NAF1: variants seen among roughly 807,000 people sequenced by gnomAD.
The protein encoded by NAF1 is H/ACA ribonucleoprotein complex non-core subunit NAF1.
NAF1 carries 11 observed loss-of-function variants against 40.6 expected under a neutral mutation model. The observed-to-expected ratio is 0.27, with a 90% confidence interval of 0.17 to 0.45. NAF1 has a LOEUF of 0.45. NAF1 is among the 20% of genes least tolerant of loss of function. The pLI is 1.00. For synonymous variants in NAF1, 260 were observed against 228.5 expected, an observed-to-expected ratio of 1.14 and a Z score of -1.24; for missense variants, 607 against 611.1, an observed-to-expected ratio of 0.99 and a Z score of 0.07.
intron 2 of NAF1, among the ~76,000 whole-genome samples, chr4:163,118,465 A>G (rs1730417279): frequency 1.3e-5 from 2 of 152,206 alleles, no homozygotes. Flanking sequence ...AATAAAACCT[A>G]TTTTTGGCCA....
chr4:163,130,669 CA>C, intron 7 of NAF1, among the ~76,000 whole-genome samples: 1 of 152,294 alleles, frequency 6.6e-6, no homozygotes, highest in South Asian at 2.1e-4. Context: ...AACGAAGGAG[CA>C]AAAGCAATAC....
In NAF1 at chr4:163,133,185, C is replaced by G. The variant is rs1215696197; in HGVS notation, c.1002G>C (p.Arg334=). Residue 334 remains arginine, a synonymous_variant, in exon 7 of 8, where the codon CGG becomes CGC. Coordinates refer to ENST00000274054, the MANE Select transcript of NAF1 (RefSeq NM_138386.3). ...KQRKKSQIQG[R]KKLKSEFNEP... ...CATTAAATTCAGATTTGAGTTTTTT[C>G]CGGCCTTGAATCTGAGATTTTTTCC... 5.0e-6 allele frequency: 8 copies of G among 1,613,768 alleles called. No homozygotes were observed. Among genetic ancestry groups the G allele is most frequent in the Non-Finnish European group, 6.8e-6 (8 of 1,179,856 alleles).
chr4:163,161,040 AT>A (rs1399735743), intron 2 of NAF1, among the ~76,000 whole-genome samples: 8 of 151,372 alleles, frequency 5.3e-5, no homozygotes, highest in South Asian at 2.1e-4. Context: ...AAAAAAAAAA[AT>A]CTAAGCTAAA....
chr4:163,146,970 T>G (rs905221247), intron 3 of NAF1, among the ~76,000 whole-genome samples: 1 of 152,194 alleles, frequency 6.6e-6, no homozygotes, highest in African/African-American at 2.4e-5. Flanking sequence ...AGGATCAACA[T>G]TATGACCTAA....
At chr4:163,150,562 A>T (rs147975613) in intron 2 of NAF1, among the ~76,000 whole-genome samples, 1 of 152,256 alleles carries the variant, frequency 6.6e-6, no homozygotes, top group Non-Finnish European at 1.5e-5. Flanking sequence ...TTACTTAAAC[A>T]CTTAGGATAT....
chr4:163,151,348 TTTTC>T (rs140122717), intron 2 of NAF1, among the ~76,000 whole-genome samples: 186 of 151,972 alleles, frequency 1.2e-3, no homozygotes, highest in East Asian at 6.0e-3. Context: ...TTCACTATTG[TTTTC>T]TTTATTTCTC....
downstream of NAF1, among the ~76,000 whole-genome samples, chr4:163,122,483 A>G (rs1284859136): frequency 6.6e-6 from 1 of 152,184 alleles, no homozygotes; most frequent in Non-Finnish European, 1.5e-5. Context: ...CATCTTCCCT[A>G]TGTCCCACTA....
intron 2 of NAF1, among the ~76,000 whole-genome samples, chr4:163,112,667 T>C (rs1229154137): frequency 6.6e-6 from 1 of 152,150 alleles, no homozygotes; most frequent in East Asian, 1.9e-4. Flanking sequence ...TGCTGGAAGA[T>C]ATCTGCTAAC....
chr4:163,135,899 TATAG>T (rs1322455230), intron 6 of NAF1: 3 of 152,366 alleles, frequency 2.0e-5, no homozygotes, highest in South Asian at 4.1e-4. Flanking sequence ...AATAAGATGC[TATAG>T]ATACTCTAAA....
intron 2 of NAF1, among the ~76,000 whole-genome samples, chr4:163,153,581 A>T (rs893041728): frequency 1.3e-5 from 2 of 152,014 alleles, no homozygotes; most frequent in Non-Finnish European, 2.9e-5. Context: ...ACCAATCGAC[A>T]CTCTGTATCT....
At chr4:163,131,199 TTAGA>T (rs1396898488) in intron 7 of NAF1, among the ~76,000 whole-genome samples, 2 of 152,140 alleles carry the variant, frequency 1.3e-5, no homozygotes, top group African/African-American at 4.8e-5. Flanking sequence ...TAATGACTTC[TTAGA>T]TAGGACATCA....
intron 2 of NAF1, among the ~76,000 whole-genome samples, chr4:163,112,289 CAT>C (rs1475377951): frequency 6.6e-6 from 1 of 151,930 alleles, no homozygotes; most frequent in Non-Finnish European, 1.5e-5. Context: ...AGAAGGCAGT[CAT>C]AGAATATTGA....
In NAF1 at chr4:163,145,793, C is replaced by T; in HGVS notation, c.706G>A (p.Ala236Thr). The change falls in exon 4 of 8, where the codon GCA becomes ACA. Residue 236 changes from alanine (A) to threonine (T), a missense_variant. Transcript: ENST00000274054. ...AATGTTTTACAAACCTTTCCTGCTGCTTGTCGATCACTTTTAAAAATTACA... is the reference window on the plus strand; with the variant it reads ...AATGTTTTACAAACCTTTCCTGCTGTTTGTCGATCACTTTTAAAAATTACA... Reference protein sequence around the residue: ...ETVIFKSDRQAAGKIFEIFGP... With the variant: ...ETVIFKSDRQTAGKIFEIFGP... 6.3e-7 allele frequency: 1 copy of T among 1,582,920 alleles called. No individual in the cohort carries two copies. The highest frequency in any genetic ancestry group is 8.6e-7 in the Non-Finnish European group (1 of 1,158,390).
At chr4:163,124,202 G>A (rs946687981), downstream of NAF1, among the ~76,000 whole-genome samples, 4 of 152,188 alleles carry the variant, frequency 2.6e-5, no homozygotes, top group Admixed American at 2.6e-4. Flanking sequence ...AAATAAATAA[G>A]TACGCCTTAC....
At chr4:163,118,521 G>A (rs1450454391) in intron 2 of NAF1, among the ~76,000 whole-genome samples, 1 of 152,236 alleles carries the variant, frequency 6.6e-6, no homozygotes, top group Non-Finnish European at 1.5e-5. Context: ...GGGATGCCAA[G>A]GCAGGTGGAT....
At chr4:163,108,844 T>C (rs1041135129), downstream of NAF1, 4 of 152,176 alleles carry the variant, frequency 2.6e-5, no homozygotes, top group Non-Finnish European at 4.4e-5. Flanking sequence ...CGAAAACATA[T>C]CTTCTTGAGA....
intron 7 of NAF1, among the ~76,000 whole-genome samples, chr4:163,130,468 A>G (rs1026672990): frequency 6.6e-6 from 1 of 152,216 alleles, no homozygotes; most frequent in African/African-American, 2.4e-5. Flanking sequence ...ACAATATTGA[A>G]GGAGAAGAAC....
chr4:163,109,160 CTTTTT>C (rs11353573), downstream of NAF1, among the ~76,000 whole-genome samples: 9 of 134,838 alleles, frequency 6.7e-5, no homozygotes, highest in South Asian at 1.2e-3. Context: ...CCTTTTCACC[CTTTTT>C]TTTTTTTTTT....
At chr4:163,137,095 G>T in intron 6 of NAF1, 104 bp downstream of exon 6, 1 of 1,283,918 alleles carries the variant, frequency 7.8e-7, no homozygotes, top group Non-Finnish European at 1.1e-6. Flanking sequence ...CAGTATGGCT[G>T]CTAGCCAGTA....
Sources: gnomAD v4.1 joint callset for allele counts (sites outside exome capture counted in the v4.1 genomes callset) on GRCh38, gnomAD v4.1.1 for gene constraint, MANE v1.5 for transcripts, NCBI Gene and HGNC (gene_info 2026-07-23, HGNC 2026-07-21) for gene names.